The following RNLS variants were observed in gnomAD, a reference collection of about 807,000 sequenced individuals.
RNLS encodes the protein renalase.
A neutral mutation model predicts 39.8 loss-of-function variants in RNLS; 39 were observed. The observed-to-expected ratio is 0.98, with a 90% CI of 0.76 to 1.28. The LOEUF is 1.28. Among genes scored for constraint, RNLS ranks in the 50% most tolerant of loss-of-function variants. The pLI, the probability that RNLS is intolerant of heterozygous loss-of-function variation, is 0.00. For synonymous variants in RNLS, 147 were observed against 150.7 expected (o/e 0.98, Z 0.18); for missense variants, 410 against 413.3 (o/e 0.99, Z 0.07).
chr10:88,572,783 A>T, intron 4 of RNLS, 120 bp downstream of exon 4: 2 of 1,024,258 alleles, frequency 2.0e-6, no homozygotes, highest in Non-Finnish European at 2.8e-6. Flanking sequence ...ATCAGTTTTT[A>T]AGACAGGCAA....
intron 4 of RNLS, among the ~76,000 whole-genome samples, chr10:88,416,702 A>T (rs890808063): frequency 1.8e-4 from 28 of 152,224 alleles, no homozygotes; most frequent in African/African-American, 6.8e-4. Context: ...ATATAATCAT[A>T]TTACTCCTCT....
At chr10:88,479,817 A>G (rs564206045) in intron 4 of RNLS, among the ~76,000 whole-genome samples, 2 of 139,906 alleles carry the variant, frequency 1.4e-5, no homozygotes, top group Non-Finnish European at 3.1e-5. Flanking sequence ...TTAAGTTCCT[A>G]CTTTCTAAAA....
At chr10:88,196,267 A>G in the RNLS span, among the ~76,000 whole-genome samples, 1 of 152,232 alleles carries the variant, frequency 6.6e-6, no homozygotes, top group East Asian at 1.9e-4. Flanking sequence ...TCTTTGTTAG[A>G]GAAATGAGAT....
At chr10:88,329,372 G>A (rs946109029) in intron 5 of RNLS, among the ~76,000 whole-genome samples, 2 of 151,958 alleles carry the variant, frequency 1.3e-5, no homozygotes, top group African/African-American at 2.4e-5. Context: ...TTCTTAATTT[G>A]GCTGTAGGTC....
chr10:88,222,533 G>A, the RNLS span, among the ~76,000 whole-genome samples: 1 of 152,062 alleles, frequency 6.6e-6, no homozygotes. Context: ...TACCTTAGGG[G>A]TTTGTCATGA....
intron 5 of RNLS, among the ~76,000 whole-genome samples, chr10:88,339,846 G>A (rs1367957206): frequency 1.3e-5 from 2 of 152,180 alleles, no homozygotes; most frequent in Non-Finnish European, 2.9e-5. Flanking sequence ...GAATATGTAT[G>A]TATGTACTGA....
At chr10:88,472,313 A>C (rs1190075120) in intron 4 of RNLS, among the ~76,000 whole-genome samples, 4 of 152,224 alleles carry the variant, frequency 2.6e-5, no homozygotes, top group Non-Finnish European at 5.9e-5. Flanking sequence ...GGTTGAGTCA[A>C]ATCATGAAGA....
Position 88,482,042 on chromosome 10 carries a change from G to A in RNLS, c.526+90861C>T, listed in dbSNP as rs1190238296. On this transcript the variant is annotated intron_variant, in intron 4 of 6. Coordinates refer to ENST00000331772, the MANE Select transcript of RNLS (RefSeq NM_001031709.3). ...ATTAATTGCATAAATTCCTCTCTAT[G>A]TCATGAGCTGTTTTATCTCTTGCTG... Among the ~76,000 whole-genome samples the A allele has an allele frequency of 2.0e-5, 3 of 151,614 alleles. No individual in the cohort carries two copies. In the East Asian group the frequency reaches 5.8e-4, roughly 29 times the overall value.
intron 4 of RNLS, among the ~76,000 whole-genome samples, chr10:88,420,320 T>C (rs1298613098): frequency 6.6e-6 from 1 of 152,232 alleles, no homozygotes; most frequent in Non-Finnish European, 1.5e-5. Flanking sequence ...AGCTGGCTGA[T>C]GCTAACTGAT....
At chr10:88,356,043 G>T (rs528091375) in intron 5 of RNLS, among the ~76,000 whole-genome samples, 1 of 152,208 alleles carries the variant, frequency 6.6e-6, no homozygotes, top group Non-Finnish European at 1.5e-5. Flanking sequence ...ATCTCCTGGT[G>T]TGCCGTTTGC....
rs142023121 is a variant in RNLS, at chr10:88,366,699, C to T, written c.527-3974G>A. Among the ~76,000 whole-genome samples, 922 of 132,686 alleles carry T rather than the reference C, an allele frequency of 6.9e-3. 9 individuals are homozygous for T. The highest frequency in any genetic ancestry group is 0.031 in the South Asian group (125 of 4,080). 87.0% of individuals were successfully genotyped at this position (132,686 alleles called of 152,430 possible). On this transcript the variant is annotated intron_variant, in intron 4 of 6. Transcript: ENST00000331772. The stretch of plus-strand genomic sequence containing the variant: ...AAAAAAAAAAAAAAAAAAGGAAATC[C>T]ACAGCAACCAATTAAAAGGGCCCAG...
At chr10:88,254,944 T>G in the RNLS span, among the ~76,000 whole-genome samples, 6 of 152,222 alleles carry the variant, frequency 3.9e-5, no homozygotes, top group African/African-American at 1.4e-4. Context: ...TAAAACACTC[T>G]CATTTCAGAT....
At chr10:88,272,566 G>C (rs1342807403), downstream of RNLS, among the ~76,000 whole-genome samples, 1 of 152,130 alleles carries the variant, frequency 6.6e-6, no homozygotes, top group African/African-American at 2.4e-5. Flanking sequence ...TGACCATTAT[G>C]AGGGCAGGAA....
At chr10:88,356,539 G>A (rs181514180) in intron 5 of RNLS, among the ~76,000 whole-genome samples, 441 of 152,224 alleles carry the variant, frequency 2.9e-3, no homozygotes, top group Non-Finnish European at 4.5e-3. Context: ...AAGAGTTGAC[G>A]TAATAAATAG....
intron 4 of RNLS, among the ~76,000 whole-genome samples, chr10:88,429,670 T>A (rs1453518274): frequency 6.6e-6 from 1 of 151,936 alleles, no homozygotes; most frequent in African/African-American, 2.4e-5. Flanking sequence ...AGGCCTGTGA[T>A]TCACTTTGAG....
In RNLS at chr10:88,415,740, C is replaced by T. The variant is rs144913683; in HGVS notation, c.527-53015G>A. Among the ~76,000 whole-genome samples, 19 of 152,312 alleles carry T rather than the reference C, an allele frequency of 1.2e-4. No homozygotes were observed. In the East Asian group the frequency reaches 2.9e-3, roughly 23 times the overall value. On this transcript the variant is annotated intron_variant, in intron 4 of 6. Coordinates refer to ENST00000331772, the MANE Select transcript of RNLS (RefSeq NM_001031709.3). ...AATAGTATTTGGCACACAGTAAGTA[C>T]TCAGTCAGTGTTAGCCATCACACTG...
the RNLS span, among the ~76,000 whole-genome samples, chr10:88,215,635 C>T: frequency 6.6e-6 from 1 of 151,806 alleles, no homozygotes. Flanking sequence ...TGTTGCTGCT[C>T]CTCACATTTA....
chr10:88,188,457 T>G, the RNLS span, among the ~76,000 whole-genome samples: 1 of 152,228 alleles, frequency 6.6e-6, no homozygotes, highest in Non-Finnish European at 1.5e-5. Context: ...TCAATAGCTG[T>G]TCTTTAAAAT....
the RNLS span, among the ~76,000 whole-genome samples, chr10:88,232,181 A>G: frequency 6.6e-6 from 1 of 152,166 alleles, no homozygotes; most frequent in Non-Finnish European, 1.5e-5. Flanking sequence ...CGGGTGCCCA[A>G]TGCTACACTC....
Sources: allele counts gnomAD v4.1 joint callset (sites outside exome capture counted in the v4.1 genomes callset), GRCh38; gene constraint gnomAD v4.1.1; transcripts MANE v1.5; gene names NCBI Gene and HGNC (gene_info 2026-07-23, HGNC 2026-07-21).